Variants in COG5 observed in about 807,000 individuals in gnomAD.
COG5 encodes conserved oligomeric Golgi complex subunit 5.
In COG5, 86 loss-of-function variants were observed where a neutral mutation model predicts 110.4. The ratio of observed to expected loss-of-function variants is 0.78; its 90% CI spans 0.65 to 0.93. The LOEUF (loss-of-function observed/expected upper bound fraction) is 0.93, where lower values mean the gene tolerates loss of function less well. Among genes scored for constraint, COG5 ranks in the 40% least tolerant of loss-of-function variants. COG5 has a pLI of 0.00. For synonymous variants in COG5, 360 were observed against 334.6 expected (o/e 1.08, Z -0.83); for missense variants, 1,077 against 987.0 (o/e 1.09, Z -1.22).
chr7:107,527,664 G>A (rs1800874784), intron 5 of COG5, among the ~76,000 whole-genome samples: 1 of 152,106 alleles, frequency 6.6e-6, no homozygotes, highest in South Asian at 2.1e-4. Flanking sequence ...AAATGTCCTA[G>A]GGAACACACG....
intron 19 of COG5, among the ~76,000 whole-genome samples, chr7:107,223,131 G>T (rs879798677): frequency 6.6e-5 from 10 of 152,136 alleles, no homozygotes; most frequent in Non-Finnish European, 1.0e-4. Flanking sequence ...GGCCTGGGAA[G>T]GCAGCAAGAC....
At chr7:107,214,352 T>C (rs181665997) in intron 19 of COG5, among the ~76,000 whole-genome samples, 10 of 152,228 alleles carry the variant, frequency 6.6e-5, no homozygotes, top group Admixed American at 2.0e-4. Flanking sequence ...ATATTTAAAG[T>C]GCTGCCAACC....
chr7:107,301,659 G>A (rs540172373), intron 11 of COG5, among the ~76,000 whole-genome samples: 6 of 152,032 alleles, frequency 3.9e-5, no homozygotes, highest in African/African-American at 1.2e-4. Context: ...ACCTGAGGTC[G>A]GGAGTTTGAG....
chr7:107,231,028 A>T (rs1251362864), intron 18 of COG5, among the ~76,000 whole-genome samples: 1 of 152,232 alleles, frequency 6.6e-6, no homozygotes, highest in Non-Finnish European at 1.5e-5. Context: ...TAGGCATTAC[A>T]AGTCTTTTTA....
At chr7:107,372,493 T>C in intron 8 of COG5, 102 bp downstream of exon 8, 1 of 1,098,032 alleles carries the variant, frequency 9.1e-7, no homozygotes, top group Non-Finnish European at 1.3e-6. Context: ...TACTAAAAAA[T>C]GAGTCATTAG....
At chr7:107,432,043 T>C (rs116900120) in intron 6 of COG5, among the ~76,000 whole-genome samples, 61 of 152,260 alleles carry the variant, frequency 4.0e-4, no homozygotes, top group Non-Finnish European at 7.2e-4. Context: ...TGTTTGTGTG[T>C]GTGTGCATGA....
At chr7:107,247,244 G>A (rs1196339670) in intron 17 of COG5, among the ~76,000 whole-genome samples, 1 of 152,114 alleles carries the variant, frequency 6.6e-6, no homozygotes, top group East Asian at 1.9e-4. Context: ...AGGAGGGAGA[G>A]GAGCAGAAAT....
chr7:107,509,392 A>G (rs928866175), intron 6 of COG5, among the ~76,000 whole-genome samples: 1 of 152,212 alleles, frequency 6.6e-6, no homozygotes, highest in African/African-American at 2.4e-5. Flanking sequence ...GAAATATGGG[A>G]CTATGTGAAA....
intron 11 of COG5, among the ~76,000 whole-genome samples, chr7:107,308,817 TC>T (rs762673160): frequency 5.9e-5 from 9 of 151,862 alleles, no homozygotes; most frequent in Admixed American, 2.0e-4. Context: ...GCAATTGTTA[TC>T]TTTATTGTAT....
At chr7:107,333,058 G>C (rs966206923) in intron 10 of COG5, among the ~76,000 whole-genome samples, 1 of 152,114 alleles carries the variant, frequency 6.6e-6, no homozygotes, top group Non-Finnish European at 1.5e-5. Context: ...GAAGCAGAGG[G>C]AGCTAAATTA....
chr7:107,520,830 T>C (rs1482049210), intron 6 of COG5, among the ~76,000 whole-genome samples: 2 of 152,184 alleles, frequency 1.3e-5, no homozygotes, highest in Admixed American at 1.3e-4. Flanking sequence ...AGAGCTCATA[T>C]AGCCAAGACA....
chr7:107,243,050 G>A (rs1222196194), intron 17 of COG5, among the ~76,000 whole-genome samples: 1 of 152,194 alleles, frequency 6.6e-6, no homozygotes, highest in East Asian at 1.9e-4. Flanking sequence ...AGAGGTTGCA[G>A]TCCTAATTTC....
At chr7:107,316,532 G>A (rs1450121844) in intron 11 of COG5, among the ~76,000 whole-genome samples, 1 of 152,020 alleles carries the variant, frequency 6.6e-6, no homozygotes, top group East Asian at 1.9e-4. Flanking sequence ...AAGAAAAGCA[G>A]GCAGGGCGTG....
At chr7:107,299,175 A>G (rs940052811) in intron 11 of COG5, among the ~76,000 whole-genome samples, 1 of 152,120 alleles carries the variant, frequency 6.6e-6, no homozygotes, top group African/African-American at 2.4e-5. Flanking sequence ...ATAAAATAAT[A>G]AAGCTCTGAG....
At chr7:107,317,106 A>G (rs1808829779) in intron 11 of COG5, among the ~76,000 whole-genome samples, 1 of 152,122 alleles carries the variant, frequency 6.6e-6, no homozygotes, top group Non-Finnish European at 1.5e-5. Flanking sequence ...AAAATACACA[A>G]TATATGAAAG....
intron 11 of COG5, among the ~76,000 whole-genome samples, chr7:107,313,827 T>C (rs1048121342): frequency 2.6e-5 from 4 of 152,148 alleles, no homozygotes; most frequent in African/African-American, 9.7e-5. Flanking sequence ...GCAAAATCCC[T>C]CTTGCTATGA....
chr7:107,513,895 T>C (rs1421273460), intron 6 of COG5, among the ~76,000 whole-genome samples: 1 of 151,192 alleles, frequency 6.6e-6, no homozygotes, highest in African/African-American at 2.4e-5. Context: ...CCGGGGACTG[T>C]TGTGGGGTGG....
intron 19 of COG5, among the ~76,000 whole-genome samples, chr7:107,228,571 T>C (rs866732458): frequency 3.9e-5 from 6 of 152,176 alleles, no homozygotes; most frequent in African/African-American, 1.2e-4. Flanking sequence ...CTCATCATCC[T>C]TCAACTCGCC....
chr7:107,394,220 C>T (rs1790826827), intron 7 of COG5, among the ~76,000 whole-genome samples: 1 of 151,612 alleles, frequency 6.6e-6, no homozygotes, highest in African/African-American at 2.4e-5. Flanking sequence ...GCCTCGGCCT[C>T]CCAAAATGCT....
Sources: gnomAD v4.1 joint callset for allele counts (sites outside exome capture counted in the v4.1 genomes callset) on GRCh38, gnomAD v4.1.1 for gene constraint, MANE v1.5 for transcripts, NCBI Gene and HGNC (gene_info 2026-07-23, HGNC 2026-07-21) for gene names.